Variants in STX8 observed in about 807,000 individuals in gnomAD.
STX8 encodes the protein syntaxin 8.
STX8 carries 23 observed loss-of-function variants against 37.5 expected under a neutral mutation model. The observed-to-expected ratio is 0.61, with a 90% CI of 0.44 to 0.87. The LOEUF (loss-of-function observed/expected upper bound fraction) is 0.87. Among genes scored for constraint, STX8 ranks in the 40% least tolerant of loss-of-function variants. The pLI, the probability that STX8 is intolerant of heterozygous loss-of-function variation, is 0.00. For synonymous variants in STX8, 115 were observed against 99.1 expected, an observed-to-expected ratio of 1.16 and a Z score of -0.95; for missense variants, 313 against 284.7, an observed-to-expected ratio of 1.10 and a Z score of -0.71.
At chr17:9,477,673 T>A (rs1906160455) in intron 6 of STX8, among the ~76,000 whole-genome samples, 1 of 152,174 alleles carries the variant, frequency 6.6e-6, no homozygotes, top group Non-Finnish European at 1.5e-5. Context: ...AAAAGGGGGC[T>A]TCGGTTGAAA....
chr17:9,551,809 T>G (rs1906770090), intron 3 of STX8, among the ~76,000 whole-genome samples: 1 of 152,180 alleles, frequency 6.6e-6, no homozygotes, highest in African/African-American at 2.4e-5. Flanking sequence ...TTCTGTCTGC[T>G]TTCAGAGCCG....
intron 1 of STX8, among the ~76,000 whole-genome samples, chr17:9,573,080 A>ACCCCCC (rs71135994): frequency 3.0e-5 from 3 of 101,654 alleles, no homozygotes; most frequent in South Asian, 3.8e-4. Context: ...CACCCCCAAC[A>ACCCCCC]CCCCCCCCCA....
chr17:9,494,615 CAAAAAAAAAAA>C (rs35806606), intron 5 of STX8, among the ~76,000 whole-genome samples: 7 of 64,292 alleles, frequency 1.1e-4, no homozygotes, highest in Admixed American at 2.8e-4. Context: ...GAACCTGTCT[CAAAAAAAAAAA>C]AAAAAAAAAA....
chr17:9,573,080 A>ACCCCCCC (rs71135994), intron 1 of STX8, among the ~76,000 whole-genome samples: 152 of 101,524 alleles, frequency 1.5e-3, no homozygotes, highest in East Asian at 4.3e-3. Flanking sequence ...CACCCCCAAC[A>ACCCCCCC]CCCCCCCCCA....
chr17:9,537,601 G>T (rs1165525412), intron 4 of STX8, among the ~76,000 whole-genome samples: 2 of 152,122 alleles, frequency 1.3e-5, no homozygotes, highest in Non-Finnish European at 2.9e-5. Flanking sequence ...ACAAACATGT[G>T]CTGAATCAAC....
intron 6 of STX8, among the ~76,000 whole-genome samples, chr17:9,379,048 C>T (rs1214303782): frequency 7.2e-5 from 11 of 152,094 alleles, no homozygotes; most frequent in African/African-American, 2.2e-4. Context: ...AGTTCGAGAC[C>T]GGCCTGGCCA....
chr17:9,475,325 A>G (rs958518437), intron 6 of STX8, among the ~76,000 whole-genome samples: 1 of 152,236 alleles, frequency 6.6e-6, no homozygotes, highest in East Asian at 1.9e-4. Context: ...TACAGCTGGA[A>G]ATACATCAGG....
Position 9,382,465 on chromosome 17 carries a change from G to T in STX8, c.542-3812C>A, listed in dbSNP as rs78409467. On this transcript the variant is annotated intron_variant, in intron 6 of 7. Coordinates refer to ENST00000306357, the MANE Select transcript of STX8 (RefSeq NM_004853.3). ...TTTTAAATTATACTTTAAGTTCTAGGTACATGTGCACAACGTGCAGGTTTG... is the reference window on the plus strand; with the variant it reads ...TTTTAAATTATACTTTAAGTTCTAGTTACATGTGCACAACGTGCAGGTTTG... Among the ~76,000 whole-genome samples the T allele has an allele frequency of 1.5e-3, 232 of 152,194 alleles. 4 individuals are homozygous for T. The East Asian group carries it at 0.035, about 23-fold the overall frequency.
intron 5 of STX8, among the ~76,000 whole-genome samples, chr17:9,503,227 G>C (rs752277850): frequency 6.6e-6 from 1 of 151,356 alleles, no homozygotes; most frequent in African/African-American, 2.4e-5. Context: ...GGTACATACT[G>C]TATAGTTCTA....
chr17:9,459,318 G>A (rs541756486), intron 6 of STX8, among the ~76,000 whole-genome samples: 69 of 152,302 alleles, frequency 4.5e-4, no homozygotes, highest in East Asian at 9.6e-4. Context: ...AAGTGAACTC[G>A]AAATTCTGAG....
At chr17:9,287,872 T>TC (rs1436999442) in intron 7 of STX8, among the ~76,000 whole-genome samples, 1 of 151,904 alleles carries the variant, frequency 6.6e-6, no homozygotes, top group African/African-American at 2.4e-5. Context: ...TGCCTCAGCC[T>TC]CCCAAGTAGC....
intron 7 of STX8, 69 bp from the exon 8 acceptor site, chr17:9,250,714 G>C: frequency 4.9e-6 from 7 of 1,424,440 alleles, no homozygotes; most frequent in Non-Finnish European, 6.8e-6. Context: ...CATTCTGAGT[G>C]TCTGCAGAGA....
chr17:9,255,253 G>A (rs906086574), intron 7 of STX8, among the ~76,000 whole-genome samples: 8 of 152,160 alleles, frequency 5.3e-5, no homozygotes, highest in Admixed American at 1.3e-4. Context: ...TGGGCCAGGC[G>A]CTGTGGCTCA....
intron 7 of STX8, among the ~76,000 whole-genome samples, chr17:9,256,496 C>G (rs2142121043): frequency 6.6e-6 from 1 of 152,350 alleles, no homozygotes; most frequent in South Asian, 2.1e-4. Context: ...CATCCGTCAG[C>G]TTTCGCAAGG....
At chr17:9,317,848 G>A (rs912031651) in intron 7 of STX8, among the ~76,000 whole-genome samples, 1 of 152,246 alleles carries the variant, frequency 6.6e-6, no homozygotes, top group East Asian at 1.9e-4. Context: ...GGAGCTGCTA[G>A]TGTAGGTAGG....
intron 5 of STX8, among the ~76,000 whole-genome samples, chr17:9,501,962 CTG>C (rs1904628077): frequency 1.3e-5 from 2 of 152,056 alleles, no homozygotes; most frequent in South Asian, 4.1e-4. Context: ...GAGCAAGACT[CTG>C]TCTCAAAAAA....
At chr17:9,361,435 T>C (rs1429124901) in intron 7 of STX8, among the ~76,000 whole-genome samples, 1 of 152,230 alleles carries the variant, frequency 6.6e-6, no homozygotes, top group East Asian at 1.9e-4. Context: ...GCAGAGTCTC[T>C]GGACTGCAGG....
At chr17:9,401,487 GT>G (rs1386049012) in intron 6 of STX8, among the ~76,000 whole-genome samples, 2 of 152,182 alleles carry the variant, frequency 1.3e-5, no homozygotes, top group African/African-American at 4.8e-5. Flanking sequence ...TTTTATAGAT[GT>G]CAAAACAGGC....
chr17:9,312,058 G>A (rs1909210225), intron 7 of STX8, among the ~76,000 whole-genome samples: 1 of 151,956 alleles, frequency 6.6e-6, no homozygotes, highest in Non-Finnish European at 1.5e-5. Context: ...CTGTTGGCCA[G>A]GCTGGTCCGA....
Sources: allele counts gnomAD v4.1 joint callset (sites outside exome capture counted in the v4.1 genomes callset), GRCh38; gene constraint gnomAD v4.1.1; transcripts MANE v1.5; gene names NCBI Gene and HGNC (gene_info 2026-07-23, HGNC 2026-07-21).